TRIM69: variants seen among roughly 807,000 people sequenced by gnomAD.
TRIM69 encodes E3 ubiquitin-protein ligase TRIM69.
TRIM69 carries 29 observed loss-of-function variants against 37.7 expected under a neutral mutation model. The observed-to-expected ratio is 0.77, with a 90% confidence interval of 0.57 to 1.05. The LOEUF (loss-of-function observed/expected upper bound fraction) is 1.05. Among genes scored for constraint, TRIM69 ranks in the 50% least tolerant of loss-of-function variants. TRIM69 has a pLI of 0.00. For missense variants in TRIM69, 596 were observed against 579.9 expected, an observed-to-expected ratio of 1.03 and a Z score of -0.28; for synonymous variants, 209 against 212.4, an observed-to-expected ratio of 0.98 and a Z score of 0.14.
intron 6 of TRIM69, among the ~76,000 whole-genome samples, 167 bp from the exon 7 acceptor site, chr15:44,767,053 CAAAAAAAAAAA>C (rs55736812): frequency 0.013 from 322 of 24,312 alleles, 10 homozygotes; most frequent in African/African-American, 0.048. Flanking sequence ...TTGTCTGCCT[CAAAAAAAAAAA>C]AAAAAAAAAA....
At chr15:44,759,583 G>T (rs2087729006) in intron 4 of TRIM69, 57 bp from the exon 5 acceptor site, 3 of 1,595,680 alleles carry the variant, frequency 1.9e-6, no homozygotes, top group South Asian at 2.3e-5. Context: ...TATCACCAAA[G>T]AAATTTTGAG....
At position 44,749,389 on chromosome 15, in the gene TRIM69, C is replaced by G. The variant is rs558553882; in HGVS notation, c.7-5511C>G. 2.6e-5 allele frequency among the ~76,000 whole-genome samples: 4 copies of G among 152,252 alleles called. No homozygotes were observed. In the East Asian group the frequency reaches 7.7e-4, roughly 29 times the overall value. On this transcript the variant is annotated intron_variant, in intron 1 of 6. Transcript: ENST00000329464. ...TTCCAGTGATATGAGCAGTCACTCCCCATATCTCCTTCTCTCCAGCCCTGG... is the reference window on the plus strand; with the variant it reads ...TTCCAGTGATATGAGCAGTCACTCCGCATATCTCCTTCTCTCCAGCCCTGG...
At chr15:44,736,820 G>A in intron 1 of TRIM69, 110 bp downstream of exon 1, 1 of 1,326,664 alleles carries the variant, frequency 7.5e-7, no homozygotes, top group East Asian at 2.4e-5. Flanking sequence ...ATTCATGAAG[G>A]GAAGTATTTA....
At chr15:44,761,913 A>G (rs1187837043) in intron 6 of TRIM69, among the ~76,000 whole-genome samples, 1 of 152,158 alleles carries the variant, frequency 6.6e-6, no homozygotes, top group East Asian at 1.9e-4. Context: ...CCTTTATCAG[A>G]TATATGTTTC....
intron 3 of TRIM69, chr15:44,757,333 A>G (rs1182745036): frequency 6.6e-6 from 1 of 152,188 alleles, no homozygotes; most frequent in East Asian, 1.9e-4. Context: ...ACTATAACTG[A>G]AAGTATAGGG....
Position 44,767,738 on chromosome 15 carries a change from A to G in TRIM69, c.1469A>G (p.Asn490Ser). ...FCPCLNDGGE[N>S]KEPLHILHPQ ...CCCTGCCTTAATGATGGTGGAGAGA[A>G]TAAAGAACCATTGCACATCTTACAT... Residue 490 changes from asparagine to serine, a missense_variant, in exon 7 of 7, where the codon AAT becomes AGT. Asn to Ser is a conservative substitution (Grantham distance 46, BLOSUM62 1). Coordinates refer to ENST00000329464, the MANE Select transcript of TRIM69 (RefSeq NM_182985.5). 1 of 1,613,484 alleles carries G rather than the reference A, an allele frequency of 6.2e-7. No individual in the cohort carries two copies. Among genetic ancestry groups the G allele is most frequent in the Non-Finnish European group, 8.5e-7 (1 of 1,179,986 alleles).
chr15:44,764,991 G>A lies in TRIM69; in HGVS notation c.962-2240G>A, dbSNP rs552087923. Among the ~76,000 whole-genome samples the A allele has an allele frequency of 3.3e-5, 5 of 152,218 alleles. No homozygotes were observed. The East Asian group carries it at 9.7e-4, about 29-fold the overall frequency. ...CTCTGGATTTTATCTCAGATGTGAT[G>A]GTAAACATAAGAGTATGCTGAGCAG... On this transcript the variant is annotated intron_variant, in intron 6 of 6. Coordinates refer to ENST00000329464, the MANE Select transcript of TRIM69 (RefSeq NM_182985.5).
At chr15:44,764,253 A>G (rs1424612888) in intron 6 of TRIM69, among the ~76,000 whole-genome samples, 1 of 152,228 alleles carries the variant, frequency 6.6e-6, no homozygotes, top group African/African-American at 2.4e-5. Context: ...AATTTTTGGT[A>G]TAATTTTACA....
intron 1 of TRIM69, among the ~76,000 whole-genome samples, chr15:44,746,210 A>G (rs1189047146): frequency 6.6e-6 from 1 of 152,248 alleles, no homozygotes; most frequent in Non-Finnish European, 1.5e-5. Context: ...ATGGGATGAC[A>G]TCTTCAAAGT....
chr15:44,759,572 G>T, intron 4 of TRIM69, 68 bp from the exon 5 acceptor site: 3 of 1,552,016 alleles, frequency 1.9e-6, no homozygotes, highest in Non-Finnish European at 2.6e-6. Flanking sequence ...GTGGTGGCTG[G>T]TATCACCAAA....
At chr15:44,758,383 C>A in intron 3 of TRIM69, 1 of 599,584 alleles carries the variant, frequency 1.7e-6, no homozygotes, top group Non-Finnish European at 2.9e-6. Flanking sequence ...CTCAGTACTG[C>A]AATAGGAAAC....
intron 3 of TRIM69, 112 bp downstream of exon 3, chr15:44,756,575 CCT>C: frequency 1.5e-6 from 1 of 684,154 alleles, no homozygotes; most frequent in Non-Finnish European, 2.5e-6. Flanking sequence ...CTAAATGGTA[CCT>C]AGGCTATGGA....
chr15:44,736,677 C>T lies in TRIM69; in HGVS notation c.-28C>T, dbSNP rs535951975. On this transcript the variant is annotated 5_prime_UTR_variant, in exon 1 of 7. Transcript: ENST00000329464. Reference sequence around the variant, plus strand: ...TGCTGAGCTCTGATTCAAGTGCCTGCCTCTGCCCCTTGGTGGGCTGAAGCT... The same window carrying T: ...TGCTGAGCTCTGATTCAAGTGCCTGTCTCTGCCCCTTGGTGGGCTGAAGCT... The T allele has an allele frequency of 6.8e-6, 11 of 1,611,962 alleles. No homozygotes were observed. Among genetic ancestry groups the T allele is most frequent in the Non-Finnish European group, 8.5e-6 (10 of 1,178,970 alleles).
chr15:44,748,093 G>A (rs2087445214), intron 1 of TRIM69, among the ~76,000 whole-genome samples: 1 of 152,180 alleles, frequency 6.6e-6, no homozygotes, highest in South Asian at 2.1e-4. Context: ...GAGCAAGTTC[G>A]TACTCCTCTG....
At chr15:44,765,147 T>C (rs2087858802) in intron 6 of TRIM69, among the ~76,000 whole-genome samples, 1 of 152,204 alleles carries the variant, frequency 6.6e-6, no homozygotes, top group Admixed American at 6.5e-5. Context: ...CAGAAGTGTT[T>C]GGGCACAAGA....
intron 5 of TRIM69, 35 bp from the exon 6 acceptor site, chr15:44,759,713 G>A: frequency 6.2e-7 from 1 of 1,614,094 alleles, no homozygotes; most frequent in Non-Finnish European, 8.5e-7. Context: ...GTCTCTGGAG[G>A]ATGTCTAAGG....
At chr15:44,750,849 C>T (rs1249736323) in intron 1 of TRIM69, among the ~76,000 whole-genome samples, 7 of 148,922 alleles carry the variant, frequency 4.7e-5, no homozygotes, top group Admixed American at 1.3e-4. Context: ...CTCAGCCTCC[C>T]GAGTAGCTGG....
At chr15:44,766,468 C>T (rs2087889731) in intron 6 of TRIM69, among the ~76,000 whole-genome samples, 1 of 152,180 alleles carries the variant, frequency 6.6e-6, no homozygotes, top group Non-Finnish European at 1.5e-5. Flanking sequence ...GTGTTCTCTT[C>T]CACACAGGGG....
intron 6 of TRIM69, among the ~76,000 whole-genome samples, 178 bp from the exon 7 acceptor site, chr15:44,767,053 C>CAAAAAAAAAAAA (rs55736812): frequency 0.042 from 1,022 of 24,318 alleles, 394 homozygotes; most frequent in Middle Eastern, 0.14. Flanking sequence ...TTGTCTGCCT[C>CAAAAAAAAAAAA]AAAAAAAAAA....
Sources: allele counts gnomAD v4.1 joint callset (sites outside exome capture counted in the v4.1 genomes callset), GRCh38; gene constraint gnomAD v4.1.1; transcripts MANE v1.5; gene names NCBI Gene and HGNC (gene_info 2026-07-23, HGNC 2026-07-21).